RIMS1: variants seen among roughly 807,000 people sequenced by gnomAD.
RIMS1 encodes regulating synaptic membrane exocytosis 1.
A neutral mutation model predicts 214.1 loss-of-function variants in RIMS1; 83 were observed. The ratio of observed to expected loss-of-function variants is 0.39; its 90% CI spans 0.32 to 0.47. RIMS1 has a LOEUF of 0.47. RIMS1 is among the 20% of genes least tolerant of loss of function. The probability of loss-of-function intolerance (pLI) is 0.99; values close to 1 mark genes in which losing one functional copy is unlikely to be tolerated. For synonymous variants in RIMS1, 793 were observed against 786.8 expected, an observed-to-expected ratio of 1.01 and a Z score of -0.13; for missense variants, 2,050 against 2,161.8, an observed-to-expected ratio of 0.95 and a Z score of 1.03.
chr6:72,364,432 G>A (rs2097920822), intron 29 of RIMS1, among the ~76,000 whole-genome samples: 1 of 152,146 alleles, frequency 6.6e-6, no homozygotes, highest in Admixed American at 6.5e-5. Flanking sequence ...TGCTACCTGT[G>A]AAATGTGAAT....
chr6:72,216,466 G>A (rs906407650), intron 6 of RIMS1: 2 of 985,426 alleles, frequency 2.0e-6, no homozygotes. Context: ...AAGCACTTTT[G>A]CCTGTGTTCC....
At chr6:72,390,560 A>C (rs754199718) in intron 29 of RIMS1, 38 bp from the exon 30 acceptor site, 1 of 1,575,908 alleles carries the variant, frequency 6.3e-7, no homozygotes, top group South Asian at 1.2e-5. Context: ...TAAACTGTCT[A>C]AATAAAACTT....
intron 2 of RIMS1, among the ~76,000 whole-genome samples, chr6:72,061,975 G>A (rs1011115154): frequency 2.0e-5 from 3 of 152,180 alleles, no homozygotes; most frequent in African/African-American, 7.2e-5. Context: ...GATAACTTGT[G>A]CTTGACCTTT....
At chr6:72,114,273 G>A (rs1416267085) in intron 4 of RIMS1, among the ~76,000 whole-genome samples, 3 of 151,890 alleles carry the variant, frequency 2.0e-5, no homozygotes, top group African/African-American at 4.8e-5. Context: ...TTTCTAATAT[G>A]CATTATTTCA....
At chr6:72,298,916 C>T (rs781115800) in intron 26 of RIMS1, among the ~76,000 whole-genome samples, 30 of 151,966 alleles carry the variant, frequency 2.0e-4, no homozygotes, top group Non-Finnish European at 1.6e-4. Flanking sequence ...GAAAAGTTAA[C>T]CAAGGGACTA....
At position 72,291,950 on chromosome 6, in the gene RIMS1, A is replaced by G. The variant is rs1412543468; in HGVS notation, c.3754A>G (p.Ser1252Gly). Residue 1252 changes from serine to glycine, a missense_variant, in exon 26 of 34, where the codon AGT (serine) becomes GGT (glycine). Around this residue, in one of 6 missense-constraint regions of RIMS1, gnomAD observed 889 missense variants for 885.5 expected, o/e 1.00. Coordinates refer to ENST00000521978, the MANE Select transcript of RIMS1 (RefSeq NM_014989.7). ...PLLTRMHRQR[S>G]PTQSPPADTS... ...TGCCTGCAGAATGCACCGACAGAGA[A>G]GTCCAACACAATCTCCTCCAGCAGA... The G allele has an allele frequency of 1.9e-6, 3 of 1,560,090 alleles. No homozygotes were observed. The highest frequency in any genetic ancestry group is 1.7e-6 in the Non-Finnish European group (2 of 1,152,144).
intron 28 of RIMS1, among the ~76,000 whole-genome samples, chr6:72,320,937 GTCA>G (rs1250087163): frequency 2.6e-5 from 4 of 151,786 alleles, no homozygotes; most frequent in Non-Finnish European, 4.4e-5. Flanking sequence ...CATTTAGAAA[GTCA>G]TCATTTAAAG....
chr6:72,003,898 T>G (rs554878900), intron 2 of RIMS1, among the ~76,000 whole-genome samples: 16 of 151,954 alleles, frequency 1.1e-4, no homozygotes, highest in Non-Finnish European at 2.2e-4. Context: ...CTTTAAGTTT[T>G]AGGGTACATG....
chr6:72,173,276 C>T (rs2047267867), intron 4 of RIMS1, among the ~76,000 whole-genome samples: 1 of 151,394 alleles, frequency 6.6e-6, no homozygotes. Flanking sequence ...TTTTTTTTAG[C>T]TTTGTTATAT....
In RIMS1 at chr6:72,209,602, G is replaced by A. The variant is rs191913545; in HGVS notation, c.1679-24171G>A. On this transcript the variant is annotated intron_variant, in intron 6 of 33. Coordinates refer to ENST00000521978, the MANE Select transcript of RIMS1 (RefSeq NM_014989.7). ...TTGTCTTGAAATATTTTAAGTTTCA[G>A]CAAAAGAAATAAACACAGGCCGGGC... Among the ~76,000 whole-genome samples, 374 of 152,196 alleles carry A rather than the reference G, an allele frequency of 2.5e-3. 1 individual carries two copies. Among genetic ancestry groups the A allele is most frequent in the Middle Eastern group, 0.02 (6 of 294 alleles).
intron 6 of RIMS1, among the ~76,000 whole-genome samples, chr6:72,228,594 T>G (rs2060989153): frequency 6.6e-6 from 1 of 151,958 alleles, no homozygotes; most frequent in Non-Finnish European, 1.5e-5. Flanking sequence ...TTCAACCTCT[T>G]GGCTATAGTG....
intron 2 of RIMS1, among the ~76,000 whole-genome samples, chr6:72,022,973 T>G (rs1176379149): frequency 2.0e-5 from 3 of 152,182 alleles, no homozygotes; most frequent in Non-Finnish European, 4.4e-5. Flanking sequence ...TACACATAAA[T>G]GTACAGATTT....
At position 72,152,828 on chromosome 6, in the gene RIMS1, GTATATATATGTATATATGGA is replaced by G. The variant is rs1562441972; in HGVS notation, c.472-26746_472-26727del. 4.0e-4 allele frequency among the ~76,000 whole-genome samples: 18 copies of G among 44,778 alleles called. No homozygotes were observed. The South Asian group carries it at 0.01, about 25-fold the overall frequency. 29.4% of individuals were successfully genotyped at this position (44,778 alleles called of 152,430 possible). On this transcript the variant is annotated intron_variant, in intron 4 of 33. Transcript: ENST00000521978. ...ATATATGTATATATATGGAATATAT[GTATATATATGTATATATGGA>G]ATATATGTATATATATGTATATATA...
chr6:72,080,088 A>G (rs1832976445), intron 2 of RIMS1, among the ~76,000 whole-genome samples: 2 of 143,954 alleles, frequency 1.4e-5, no homozygotes, highest in Admixed American at 1.4e-4. Context: ...AAAAAAAAAA[A>G]AAAAAAAAAA....
chr6:72,075,434 G>T (rs1191219629), intron 2 of RIMS1, among the ~76,000 whole-genome samples: 1 of 148,602 alleles, frequency 6.7e-6, no homozygotes, highest in Admixed American at 6.7e-5. Flanking sequence ...GACAGGAAAA[G>T]GGGGAGATAT....
At chr6:71,940,277 C>T (rs1785656164) in intron 1 of RIMS1, among the ~76,000 whole-genome samples, 1 of 152,190 alleles carries the variant, frequency 6.6e-6, no homozygotes. Flanking sequence ...TAAAATATTA[C>T]TGTACTATCA....
intron 6 of RIMS1, among the ~76,000 whole-genome samples, chr6:72,203,651 AT>A (rs1292852515): frequency 2.0e-5 from 3 of 152,232 alleles, no homozygotes; most frequent in African/African-American, 4.8e-5. Flanking sequence ...TCTGAGGAGC[AT>A]TTAAAAATAT....
At chr6:72,100,871 G>A (rs968229729) in intron 4 of RIMS1, among the ~76,000 whole-genome samples, 7 of 151,940 alleles carry the variant, frequency 4.6e-5, no homozygotes, top group Non-Finnish European at 7.4e-5. Context: ...ACATTAATCT[G>A]TGTTTCTAAA....
At chr6:72,134,662 C>T (rs1475002101) in intron 4 of RIMS1, among the ~76,000 whole-genome samples, 1 of 152,044 alleles carries the variant, frequency 6.6e-6, no homozygotes, top group Non-Finnish European at 1.5e-5. Flanking sequence ...TTATAATGTG[C>T]TTAACATGAT....
Sources: allele counts gnomAD v4.1 joint callset (sites outside exome capture counted in the v4.1 genomes callset), GRCh38; gene constraint gnomAD v4.1.1; regional missense constraint gnomAD v4.1.1; transcripts MANE v1.5; gene names NCBI Gene and HGNC (gene_info 2026-07-23, HGNC 2026-07-21).